The following CACNB2 variants were observed in gnomAD, a reference collection of about 807,000 sequenced individuals.
CACNB2 encodes calcium voltage-gated channel auxiliary subunit beta 2, also known as voltage-dependent L-type calcium channel subunit beta-2.
A neutral mutation model predicts 73.3 loss-of-function variants in CACNB2; 42 were observed. The observed-to-expected ratio is 0.57, with a 90% confidence interval of 0.45 to 0.74. CACNB2 has a LOEUF of 0.74. Ranked by LOEUF, CACNB2 falls within the 30% of genes least tolerant of loss-of-function variation. The pLI is 0.00. For synonymous variants in CACNB2, 348 were observed against 310.3 expected (o/e 1.12, Z -1.28); for missense variants, 940 against 853.0 (o/e 1.10, Z -1.27).
rs140841037 is a variant in CACNB2, at chr10:18,468,842, G to A, written c.334-29513G>A. The stretch of plus-strand genomic sequence containing the variant: ...TCAAACTCCAGATCTCAGGTGATTC[G>A]CCCGCCCTAGCCTCCCAAAGTGCTG... On this transcript the variant is annotated intron_variant, in intron 3 of 13. Transcript: ENST00000324631. 4.5e-3 allele frequency among the ~76,000 whole-genome samples: 683 copies of A among 152,096 alleles called. 9 individuals carry two copies. Among genetic ancestry groups the A allele is most frequent in the African/African-American group, 0.016 (650 of 41,496 alleles).
intron 3 of CACNB2, among the ~76,000 whole-genome samples, chr10:18,417,690 G>A (rs995576818): frequency 3.3e-5 from 5 of 152,112 alleles, no homozygotes; most frequent in African/African-American, 1.2e-4. Context: ...CTTCCAGGAT[G>A]TCTGTGTATA....
At chr10:18,257,823 A>C (rs572540766) in intron 2 of CACNB2, among the ~76,000 whole-genome samples, 1 of 152,290 alleles carries the variant, frequency 6.6e-6, no homozygotes, top group South Asian at 2.1e-4. Flanking sequence ...GGCTCACTGC[A>C]ACCTCTGCCT....
intron 2 of CACNB2, among the ~76,000 whole-genome samples, chr10:18,251,915 G>A (rs1380430775): frequency 6.6e-6 from 1 of 152,154 alleles, no homozygotes; most frequent in African/African-American, 2.4e-5. Flanking sequence ...AACACTGGGT[G>A]TTACAATTCA....
intron 10 of CACNB2, among the ~76,000 whole-genome samples, chr10:18,530,786 G>C (rs1226168956): frequency 6.6e-6 from 1 of 152,168 alleles, no homozygotes; most frequent in Non-Finnish European, 1.5e-5. Context: ...CGGAAGCTTT[G>C]CATGTGGATT....
In CACNB2 at chr10:18,465,534, C is replaced by T. The variant is rs192490046; in HGVS notation, c.334-32821C>T. On this transcript the variant is annotated intron_variant, in intron 3 of 13. Coordinates refer to ENST00000324631, the MANE Select transcript of CACNB2 (RefSeq NM_201596.3). ...CCTCGTTCCACCTTCTAGTCCCAAG[C>T]GTGTGTTCCTCTTCTCTCCATAGCA... Among the ~76,000 whole-genome samples, 103 of 152,222 alleles carry T rather than the reference C, an allele frequency of 6.8e-4. 1 individual carries two copies. The South Asian group carries it at 7.1e-3, about 10-fold the overall frequency.
intron 2 of CACNB2, among the ~76,000 whole-genome samples, chr10:18,210,203 T>G (rs962590004): frequency 4.6e-5 from 7 of 152,204 alleles, no homozygotes; most frequent in African/African-American, 1.7e-4. Flanking sequence ...TTAGATTGCA[T>G]GAAAATACAT....
In CACNB2 at chr10:18,506,012, G is replaced by A. The variant is rs141577002; in HGVS notation, c.594-459G>A. 4.1e-3 allele frequency among the ~76,000 whole-genome samples: 622 copies of A among 152,294 alleles called. 2 individuals are homozygous for A. Among genetic ancestry groups the A allele is most frequent in the African/African-American group, 0.014 (585 of 41,556 alleles). On this transcript the variant is annotated intron_variant, in intron 5 of 13. Coordinates refer to ENST00000324631, the MANE Select transcript of CACNB2 (RefSeq NM_201596.3). ...TGTTGTTCTTTGATAGATTGCTCAT[G>A]AAAGCGTGAGTGCTTTCAATCTTAG...
intron 3 of CACNB2, among the ~76,000 whole-genome samples, chr10:18,459,902 G>C (rs917595444): frequency 6.6e-6 from 1 of 152,102 alleles, no homozygotes. Flanking sequence ...GGAGGCTGAG[G>C]TGAAAGAATT....
At chr10:18,271,708 G>A (rs973835809) in intron 2 of CACNB2, among the ~76,000 whole-genome samples, 3 of 152,200 alleles carry the variant, frequency 2.0e-5, no homozygotes, top group African/African-American at 4.8e-5. Flanking sequence ...TTCATTGCCC[G>A]CTAACCTTTC....
chr10:18,286,341 C>T (rs961987818), intron 2 of CACNB2, among the ~76,000 whole-genome samples: 4 of 151,602 alleles, frequency 2.6e-5, no homozygotes, highest in Non-Finnish European at 4.4e-5. Context: ...ACGGTGAAAC[C>T]CCGTCTCTAC....
At chr10:18,380,388 A>T (rs2042964490) in intron 2 of CACNB2, among the ~76,000 whole-genome samples, 1 of 152,060 alleles carries the variant, frequency 6.6e-6, no homozygotes, top group Non-Finnish European at 1.5e-5. Context: ...AACTATTTTA[A>T]GAATAAATTC....
At chr10:18,380,286 A>C (rs898118487) in intron 2 of CACNB2, among the ~76,000 whole-genome samples, 6 of 152,118 alleles carry the variant, frequency 3.9e-5, no homozygotes, top group Admixed American at 3.9e-4. Flanking sequence ...TTAGCAAAAA[A>C]ATAAAAATTA....
At chr10:18,213,048 C>A (rs553628314) in intron 2 of CACNB2, among the ~76,000 whole-genome samples, 131 of 152,324 alleles carry the variant, frequency 8.6e-4, no homozygotes, top group Middle Eastern at 6.8e-3. Flanking sequence ...TACAGATAAT[C>A]ATCTGGCCTC....
In CACNB2 at chr10:18,280,460, A is replaced by T. The variant is rs371438025; in HGVS notation, c.214-121464A>T. 4.6e-5 allele frequency among the ~76,000 whole-genome samples: 7 copies of T among 152,218 alleles called. No individual in the cohort carries two copies. The East Asian group carries it at 1.2e-3, about 25-fold the overall frequency. The stretch of plus-strand genomic sequence containing the variant: ...TCCTAAAGTCTACTATTGAATTCGT[A>T]CACTTAATCCCTCTCCTAGTCACTG... On this transcript the variant is annotated intron_variant, in intron 2 of 13. Transcript: ENST00000324631.
At chr10:18,487,512 G>A (rs1336402780) in intron 3 of CACNB2, among the ~76,000 whole-genome samples, 1 of 152,128 alleles carries the variant, frequency 6.6e-6, no homozygotes, top group Non-Finnish European at 1.5e-5. Context: ...GAAACCAGGT[G>A]GTTGGTCTCT....
chr10:18,514,258 C>T lies in CACNB2; in HGVS notation c.693C>T (p.Gly231=), dbSNP rs371841055. ...TAGCTATAGACATAGATGCTACTGG[C>T]TTAGATGCAGAAGAAAATGATATTC... ...PSSAIDIDAT[G]LDAEENDIPA... The change falls in exon 7 of 14, where the codon GGC becomes GGT. Residue 231 remains glycine (G), a synonymous_variant. Transcript: ENST00000324631. 1 of 1,613,948 alleles carries T rather than the reference C, an allele frequency of 6.2e-7. No individual in the cohort carries two copies. The highest frequency in any genetic ancestry group is 8.5e-7 in the Non-Finnish European group (1 of 1,180,000).
intron 3 of CACNB2, among the ~76,000 whole-genome samples, chr10:18,443,576 T>C (rs1249974038): frequency 6.6e-6 from 1 of 152,204 alleles, no homozygotes; most frequent in Non-Finnish European, 1.5e-5. Context: ...TTAAGTAATT[T>C]GAGCAAATAT....
rs76010222 is a variant in CACNB2 at position 18,528,459 on chromosome 10, A to G, written c.1054+762A>G. ...GATGGTTAGGTTTCTGTTTTTATAAAGTAAACTTTCTGAGAGTTGTGTCAG... is the reference window on the plus strand; with the variant it reads ...GATGGTTAGGTTTCTGTTTTTATAAGGTAAACTTTCTGAGAGTTGTGTCAG... On this transcript the variant is annotated intron_variant, in intron 10 of 13. Coordinates refer to ENST00000324631, the MANE Select transcript of CACNB2 (RefSeq NM_201596.3). Among the ~76,000 whole-genome samples the G allele has an allele frequency of 5.0e-3, 769 of 152,296 alleles. 9 individuals carry two copies. The highest frequency in any genetic ancestry group is 0.015 in the African/African-American group (640 of 41,558).
chr10:18,356,418 A>T (rs2041910265), intron 2 of CACNB2, among the ~76,000 whole-genome samples: 1 of 151,778 alleles, frequency 6.6e-6, no homozygotes, highest in African/African-American at 2.4e-5. Context: ...CTGGATTATT[A>T]TTATTGTTGT....
Sources: allele counts gnomAD v4.1 joint callset (sites outside exome capture counted in the v4.1 genomes callset), GRCh38; gene constraint gnomAD v4.1.1; transcripts MANE v1.5; gene names NCBI Gene and HGNC (gene_info 2026-07-23, HGNC 2026-07-21).